Variants in RBM3 observed in about 807,000 individuals in gnomAD.
RBM3 encodes RNA binding motif protein 3.
In RBM3, 3 loss-of-function variants were observed where a neutral mutation model predicts 12.0. The ratio of observed to expected loss-of-function variants is 0.25; its 90% CI spans 0.11 to 0.65. RBM3 has a LOEUF of 0.65. RBM3 is among the 30% of genes least tolerant of loss of function. The probability of loss-of-function intolerance (pLI) is 0.84; values close to 1 mark genes in which losing one functional copy is unlikely to be tolerated. For missense variants in RBM3, 108 were observed against 134.5 expected, an observed-to-expected ratio of 0.80 and a Z score of 0.97; for synonymous variants, 58 against 45.7, an observed-to-expected ratio of 1.27 and a Z score of -1.08.
intron 5 of RBM3, 85 bp downstream of exon 5, chrX:48,576,689 C>T (rs2062081862): frequency 1.5e-5 from 16 of 1,100,136 alleles, no homozygotes; most frequent in Non-Finnish European, 1.8e-5. Context: ...CATACCACAC[C>T]TTGCTGTTAC....
Position 48,576,728 on chromosome X carries a change from T to A in RBM3, c.413+124T>A, listed in dbSNP as rs12008134. On this transcript the variant is annotated intron_variant, in intron 5 of 6. Coordinates refer to ENST00000376759, the MANE Select transcript of RBM3 (RefSeq NM_006743.5). ...TGTGTACCTAAAATGAGTATGAAAT[T>A]TAGCATTTTAAGTTAATTGTGTAGT... The A allele has an allele frequency of 1.0e-4, 104 of 1,041,868 alleles. No individual in the cohort carries two copies. In the African/African-American group the frequency reaches 1.9e-3, roughly 19 times the overall value. 85.9% of individuals were successfully genotyped at this position (1,041,868 alleles called of 1,213,427 possible).
rs1240478554 is a variant in RBM3 at position 48,579,503 on chromosome X, A to T, written c.*2062A>T. Among the ~76,000 whole-genome samples, 7 of 111,835 alleles carry T rather than the reference A, an allele frequency of 6.3e-5. No individual in the cohort carries two copies. In the Admixed American group the frequency reaches 6.7e-4, roughly 11 times the overall value. Reference sequence around the variant, plus strand: ...GAACTTCCACCTCACCCACTAAGCCAGGCCCAGGCTATGGGGCATTGTGGC... The same window carrying T: ...GAACTTCCACCTCACCCACTAAGCCTGGCCCAGGCTATGGGGCATTGTGGC... On this transcript the variant is annotated 3_prime_UTR_variant, in exon 7 of 7. Transcript: ENST00000376759.
rs1460183219 is a variant in RBM3 at position 48,576,392 on chromosome X, C to T, written c.289C>T (p.His97Tyr). ...RGTRGGGFGAHGRGRSYSRGG... is the reference protein window; with the variant it reads ...RGTRGGGFGAYGRGRSYSRGG... ...AACCAGAGGAGGTGGCTTTGGGGCCCATGGGCGTGGTCGCAGCTACTCTAG... is the reference window on the plus strand; with the variant it reads ...AACCAGAGGAGGTGGCTTTGGGGCCTATGGGCGTGGTCGCAGCTACTCTAG... The change falls in exon 4 of 7, where the codon CAT becomes TAT. Residue 97 changes from histidine to tyrosine, a missense_variant. Around this residue, in one of 2 missense-constraint regions of RBM3, gnomAD observed 65 missense variants for 54.9 expected, o/e 1.18. Transcript: ENST00000376759. 1 of 1,210,890 alleles carries T rather than the reference C, an allele frequency of 8.3e-7. No homozygotes were observed. The highest frequency in any genetic ancestry group is 1.1e-6 in the Non-Finnish European group (1 of 895,185).
chrX:48,577,809 T>G lies in RBM3; in HGVS notation c.*368T>G. ...AATTAATGTGTATCCAGGGACATTT[T>G]AAAAACCTGTACACAGTGTTTATTG... On this transcript the variant is annotated 3_prime_UTR_variant, in exon 7 of 7. Transcript: ENST00000376759. The G allele has an allele frequency of 5.4e-6, 1 of 184,111 alleles. No individual in the cohort carries two copies. The highest frequency in any genetic ancestry group is 1.0e-5 in the Non-Finnish European group (1 of 98,543). 15.2% of individuals were successfully genotyped at this position (184,111 alleles called of 1,213,427 possible).
Position 48,575,556 on chromosome X carries a change from C to A in RBM3, c.104-5C>A. 8.3e-7 allele frequency: 1 copy of A among 1,204,209 alleles called. No homozygotes were observed. Among genetic ancestry groups the A allele is most frequent in the South Asian group, 1.8e-5 (1 of 56,248 alleles). On this transcript the variant is annotated splice_polypyrimidine_tract_variant and splice_region_variant and intron_variant, in intron 2 of 6. Transcript: ENST00000376759. ...ACATTGCTCCATCTTCTCTCCCTCTCACAGTGGTCGTTGTCAAGGACCGGG... is the reference window on the plus strand; with the variant it reads ...ACATTGCTCCATCTTCTCTCCCTCTAACAGTGGTCGTTGTCAAGGACCGGG...
intron 4 of RBM3, 27 bp downstream of exon 4, chrX:48,576,446 G>C (rs2062080375): frequency 8.3e-7 from 1 of 1,202,466 alleles, no homozygotes; most frequent in Non-Finnish European, 1.1e-6. Flanking sequence ...TTTTGATCAT[G>C]GGGTGAGAGG....
Position 48,576,392 on chromosome X carries a change from C to G in RBM3, c.289C>G (p.His97Asp), listed in dbSNP as rs1460183219. The change falls in exon 4 of 7, where the codon CAT (histidine) becomes GAT (aspartate). Residue 97 changes from histidine (H) to aspartate (D), a missense_variant. His to Asp is a moderately conservative substitution (Grantham distance 81). This residue lies in a region of RBM3 where 65 missense variants were observed against 54.9 expected (regional missense o/e 1.18). Coordinates refer to ENST00000376759, the MANE Select transcript of RBM3 (RefSeq NM_006743.5). ...AACCAGAGGAGGTGGCTTTGGGGCCCATGGGCGTGGTCGCAGCTACTCTAG... is the reference window on the plus strand; with the variant it reads ...AACCAGAGGAGGTGGCTTTGGGGCCGATGGGCGTGGTCGCAGCTACTCTAG... ...RGTRGGGFGAHGRGRSYSRGG... is the reference protein window; with the variant it reads ...RGTRGGGFGADGRGRSYSRGG... The G allele has an allele frequency of 1.5e-5, 18 of 1,209,066 alleles. No individual in the cohort carries two copies. Among genetic ancestry groups the G allele is most frequent in the Non-Finnish European group, 1.7e-5 (15 of 894,901 alleles).
At chrX:48,574,653 G>T (rs1556988772) in intron 1 of RBM3, 80 bp downstream of exon 1, 1 of 332,137 alleles carries the variant, frequency 3.0e-6, no homozygotes, top group East Asian at 9.7e-5. Flanking sequence ...AATAGCGAGT[G>T]GGGAGAGTAA....
At chrX:48,574,797 G>T in intron 1 of RBM3, 1 of 337,385 alleles carries the variant, frequency 3.0e-6, no homozygotes, top group African/African-American at 2.6e-5. Context: ...TGGTGGCGTC[G>T]GTGGTGGCAG....
At chrX:48,574,763 AGT>A (rs2062072290) in intron 1 of RBM3, 190 bp downstream of exon 1, 1 of 331,518 alleles carries the variant, frequency 3.0e-6, no homozygotes, top group African/African-American at 2.7e-5. Context: ...GCTGTATCTG[AGT>A]GTGAGGCCTA....
chrX:48,578,078 CAAAA>C lies in RBM3; in HGVS notation c.*643_*646del, dbSNP rs1173126236. On this transcript the variant is annotated 3_prime_UTR_variant, in exon 7 of 7. Coordinates refer to ENST00000376759, the MANE Select transcript of RBM3 (RefSeq NM_006743.5). Reference sequence around the variant, plus strand: ...CCTGGGCAACAGCGAGACTCCATCTCAAAAAAAAAGGAAATGTGTATCAAGAACA... The same window carrying C: ...CCTGGGCAACAGCGAGACTCCATCTCAAAAAGGAAATGTGTATCAAGAACA... 9.5e-6 allele frequency: 1 copy of C among 105,601 alleles called. No individual in the cohort carries two copies. Among genetic ancestry groups the C allele is most frequent in the Non-Finnish European group, 2.0e-5 (1 of 51,231 alleles). 8.7% of individuals were successfully genotyped at this position (105,601 alleles called of 1,213,427 possible).
At position 48,580,967 on chromosome X, in the gene RBM3, G is replaced by A. The variant is rs1024269730; in HGVS notation, c.*3526G>A. On this transcript the variant is annotated 3_prime_UTR_variant, in exon 7 of 7. Coordinates refer to ENST00000376759, the MANE Select transcript of RBM3 (RefSeq NM_006743.5). The stretch of plus-strand genomic sequence containing the variant: ...CAAGTGTTTTCAAGTTTGGTGGTAA[G>A]ACCTGACCTGAGGCTTCTTATAACC... 4.8e-5 allele frequency: 5 copies of A among 105,151 alleles called. No individual in the cohort carries two copies. The highest frequency in any genetic ancestry group is 4.8e-3 in the Middle Eastern group (1 of 207). 8.7% of individuals were successfully genotyped at this position (105,151 alleles called of 1,213,427 possible).
chrX:48,575,340 A>C, intron 2 of RBM3, 57 bp downstream of exon 2: 1 of 1,059,088 alleles, frequency 9.4e-7, no homozygotes, highest in Non-Finnish European at 1.3e-6. Flanking sequence ...GGATCCTTGC[A>C]TTTCAAGGAG....
In RBM3 at chrX:48,576,543, T is replaced by C; in HGVS notation, c.352T>C (p.Tyr118His). The change falls in exon 5 of 7, where the codon TAT becomes CAT. Residue 118 changes from tyrosine to histidine, a missense_variant. This residue lies in a region of RBM3 where 65 missense variants were observed against 54.9 expected (regional missense o/e 1.18). Coordinates refer to ENST00000376759, the MANE Select transcript of RBM3 (RefSeq NM_006743.5). Reference protein sequence around the residue: ...GDQGYGSGRYYDSRPGGYGYG... With the variant: ...GDQGYGSGRYHDSRPGGYGYG... ...CCAGGGCTATGGGAGTGGCAGGTATTATGACAGTCGACCTGGAGGGTATGG... is the reference window on the plus strand; with the variant it reads ...CCAGGGCTATGGGAGTGGCAGGTATCATGACAGTCGACCTGGAGGGTATGG... 1 of 1,188,172 alleles carries C rather than the reference T, an allele frequency of 8.4e-7. No homozygotes were observed. The highest frequency in any genetic ancestry group is 1.7e-5 in the African/African-American group (1 of 57,200).
intron 3 of RBM3, 50 bp from the exon 4 acceptor site, chrX:48,576,264 A>AT: frequency 8.5e-7 from 1 of 1,179,119 alleles, no homozygotes; most frequent in Non-Finnish European, 1.1e-6. Flanking sequence ...TTCCCTCACC[A>AT]TTGCCCTGAC....
chrX:48,576,740 G>A (rs2062082072), intron 5 of RBM3, 136 bp downstream of exon 5: 1 of 1,004,170 alleles, frequency 1.0e-6, no homozygotes, highest in Admixed American at 3.8e-5. Flanking sequence ...AGCATTTTAA[G>A]TTAATTGTGT....
intron 5 of RBM3, 149 bp from the exon 6 acceptor site, chrX:48,576,877 T>G (rs998847826): frequency 5.1e-6 from 4 of 777,104 alleles, no homozygotes; most frequent in Non-Finnish European, 5.4e-6. Flanking sequence ...ATAAAACTGT[T>G]TACTGTGATA....
intron 3 of RBM3, 88 bp downstream of exon 3, chrX:48,575,755 A>G (rs1261510521): frequency 4.4e-6 from 4 of 901,731 alleles, no homozygotes; most frequent in Non-Finnish European, 4.7e-6. Flanking sequence ...TGCTCGGGGC[A>G]GCGTGGCCAC....
At chrX:48,577,421 G>C (rs1556989586) in intron 6 of RBM3, 44 bp from the exon 7 acceptor site, 1 of 935,359 alleles carries the variant, frequency 1.1e-6, no homozygotes, top group Admixed American at 2.8e-5. Flanking sequence ...GTTGTCAGCT[G>C]TTACTTCATG....
Sources: allele counts gnomAD v4.1 joint callset (sites outside exome capture counted in the v4.1 genomes callset), GRCh38; gene constraint gnomAD v4.1.1; regional missense constraint gnomAD v4.1.1; transcripts MANE v1.5; gene names NCBI Gene and HGNC (gene_info 2026-07-23, HGNC 2026-07-21).